Variants in MTMR12 observed in about 807,000 individuals in gnomAD.
MTMR12 encodes myotubularin-related protein 12.
In MTMR12, 33 loss-of-function variants were observed where a neutral mutation model predicts 96.7. That is an observed-to-expected ratio of 0.34 (90% confidence interval 0.26 to 0.46). The LOEUF is 0.46. Ranked by LOEUF, MTMR12 falls within the 20% of genes least tolerant of loss-of-function variation. The pLI is 1.00. For missense variants in MTMR12, 721 were observed against 896.1 expected, an observed-to-expected ratio of 0.80 and a Z score of 2.49; for synonymous variants, 298 against 327.2, an observed-to-expected ratio of 0.91 and a Z score of 0.96.
chr5:32,245,159 C>T (rs1172224190), intron 10 of MTMR12, among the ~76,000 whole-genome samples: 7 of 152,258 alleles, frequency 4.6e-5, no homozygotes, highest in Admixed American at 3.3e-4. Flanking sequence ...TCTCAGCCTC[C>T]GGAGTAGCTG....
chr5:32,261,529 A>G (rs930748456), intron 7 of MTMR12, among the ~76,000 whole-genome samples: 1 of 152,002 alleles, frequency 6.6e-6, no homozygotes, highest in African/African-American at 2.4e-5. Context: ...CAACCCTCCC[A>G]CCATCACCTC....
chr5:32,310,296 C>T (rs1027712889), intron 1 of MTMR12, among the ~76,000 whole-genome samples: 3 of 152,150 alleles, frequency 2.0e-5, no homozygotes, highest in African/African-American at 7.2e-5. Context: ...AAGCAAGATC[C>T]TGTCTCTAAA....
intron 7 of MTMR12, among the ~76,000 whole-genome samples, chr5:32,260,190 G>T (rs549497405): frequency 6.6e-6 from 1 of 151,678 alleles, no homozygotes; most frequent in Non-Finnish European, 1.5e-5. Flanking sequence ...CAGAGGGGTG[G>T]GACACAAAGC....
rs1348973449 is a variant in MTMR12 at position 32,242,087 on chromosome 5, C to G, written c.1141G>C (p.Glu381Gln). 6.2e-6 allele frequency: 10 copies of G among 1,612,736 alleles called. No individual in the cohort carries two copies. Among genetic ancestry groups the G allele is most frequent in the Non-Finnish European group, 8.5e-6 (10 of 1,179,208 alleles). ...KKAIEITECM[E>Q]AQNMNVLLLE... ...AGAAGAACATTCATGTTTTGTGCTT[C>G]CATACATTCTGTAATCTCTATTGCT... is the stretch of plus-strand genomic sequence containing the variant. The change falls in exon 12 of 16, where the codon GAA (glutamate) becomes CAA (glutamine). Residue 381 changes from glutamate to glutamine, a missense_variant. Transcript: ENST00000382142.
intron 12 of MTMR12, among the ~76,000 whole-genome samples, chr5:32,240,041 G>A (rs910278008): frequency 2.6e-4 from 39 of 152,322 alleles, no homozygotes; most frequent in Admixed American, 8.5e-4. Flanking sequence ...GGTGCAACTC[G>A]AGTTGTTTTT....
At chr5:32,302,847 G>A (rs1040443822) in intron 1 of MTMR12, among the ~76,000 whole-genome samples, 1 of 152,048 alleles carries the variant, frequency 6.6e-6, no homozygotes, top group Non-Finnish European at 1.5e-5. Context: ...CATTACATTG[G>A]AATTTTAAAT....
intron 14 of MTMR12, 132 bp from the exon 15 acceptor site, chr5:32,234,066 G>A: frequency 1.9e-6 from 2 of 1,076,766 alleles, no homozygotes; most frequent in Non-Finnish European, 2.7e-6. Context: ...GGCATTTAAG[G>A]CTGAGGCTAC....
At chr5:32,303,176 T>G (rs1751214485) in intron 1 of MTMR12, among the ~76,000 whole-genome samples, 1 of 152,220 alleles carries the variant, frequency 6.6e-6, no homozygotes. Flanking sequence ...ACATGCATAA[T>G]GGCATTTGAT....
At chr5:32,240,185 T>A (rs566558618) in intron 12 of MTMR12, among the ~76,000 whole-genome samples, 1 of 152,054 alleles carries the variant, frequency 6.6e-6, no homozygotes, top group East Asian at 1.9e-4. Context: ...TGGATCACGA[T>A]GTCAGGAGTT....
chr5:32,297,897 T>C (rs1750987946), intron 1 of MTMR12, among the ~76,000 whole-genome samples: 1 of 152,212 alleles, frequency 6.6e-6, no homozygotes. Flanking sequence ...CAAAGACGGT[T>C]GGCAAGCTTG....
chr5:32,287,674 G>C (rs1472291438), intron 1 of MTMR12, among the ~76,000 whole-genome samples: 1 of 152,146 alleles, frequency 6.6e-6, no homozygotes, highest in Non-Finnish European at 1.5e-5. Context: ...GGTTTCTGGA[G>C]TTGGCTGCTT....
chr5:32,234,934 T>C (rs999310164), intron 14 of MTMR12, 28 bp downstream of exon 14: 9 of 1,579,978 alleles, frequency 5.7e-6, no homozygotes, highest in Non-Finnish European at 7.8e-6. Context: ...GCCTCTTTAA[T>C]ACACAGGTTC....
intron 3 of MTMR12, among the ~76,000 whole-genome samples, chr5:32,272,792 A>C (rs1749888808): frequency 6.6e-6 from 1 of 152,200 alleles, no homozygotes; most frequent in Non-Finnish European, 1.5e-5. Context: ...ACAAATGTGA[A>C]CAGGGGATTG....
At chr5:32,298,925 C>T (rs1751025621) in intron 1 of MTMR12, among the ~76,000 whole-genome samples, 2 of 149,308 alleles carry the variant, frequency 1.3e-5, no homozygotes, top group South Asian at 4.3e-4. Flanking sequence ...TGCACTCCAG[C>T]CTAGGCGACA....
Position 32,263,205 on chromosome 5 carries a change from T to A in MTMR12, c.621A>T (p.Thr207=), listed in dbSNP as rs1372678706. Reference sequence around the variant, plus strand: ...CCAGTTCCCAACACCAGTCCTTAAGTGTGTCAAACATTACGGTATGGTTCT... The same window carrying A: ...CCAGTTCCCAACACCAGTCCTTAAGAGTGTCAAACATTACGGTATGGTTCT... ...DPKNHTVMFD[T]LKDWCWELER... Residue 207 remains threonine (T), a synonymous_variant, in exon 7 of 16, where the codon ACA becomes ACT. Coordinates refer to ENST00000382142, the MANE Select transcript of MTMR12 (RefSeq NM_001040446.3). 1 of 1,614,180 alleles carries A rather than the reference T, an allele frequency of 6.2e-7. No homozygotes were observed. Among genetic ancestry groups the A allele is most frequent in the Non-Finnish European group, 8.5e-7 (1 of 1,180,012 alleles).
In MTMR12 at chr5:32,283,005, A is replaced by G. The variant is rs79868080; in HGVS notation, c.82-6263T>C. Among the ~76,000 whole-genome samples, 162 of 152,326 alleles carry G rather than the reference A, an allele frequency of 1.1e-3. 3 individuals are homozygous for G. In the East Asian group the frequency reaches 0.027, roughly 25 times the overall value. On this transcript the variant is annotated intron_variant, in intron 1 of 15. Coordinates refer to ENST00000382142, the MANE Select transcript of MTMR12 (RefSeq NM_001040446.3). ...AAGGAGAGCAGAGGTGGATACCAAC[A>G]AGGTACGAGAGCACCCGTATCTGGA...
At chr5:32,231,010 G>C (rs1747974203) in intron 15 of MTMR12, among the ~76,000 whole-genome samples, 1 of 152,216 alleles carries the variant, frequency 6.6e-6, no homozygotes. Flanking sequence ...TAGAAAATGG[G>C]AGAGCATTTT....
At chr5:32,275,235 C>T (rs1055870707) in intron 2 of MTMR12, among the ~76,000 whole-genome samples, 3 of 152,212 alleles carry the variant, frequency 2.0e-5, no homozygotes, top group South Asian at 2.1e-4. Flanking sequence ...TAAGGAAATA[C>T]CGGAAGATGG....
intron 1 of MTMR12, among the ~76,000 whole-genome samples, chr5:32,292,408 T>G (rs555760958): frequency 6.6e-6 from 1 of 152,182 alleles, no homozygotes; most frequent in East Asian, 1.9e-4. Context: ...GAGGTCTTAG[T>G]TCCAGAGGGA....
Sources: allele counts gnomAD v4.1 joint callset (sites outside exome capture counted in the v4.1 genomes callset), GRCh38; gene constraint gnomAD v4.1.1; transcripts MANE v1.5; gene names NCBI Gene and HGNC (gene_info 2026-07-23, HGNC 2026-07-21).